Variants in ERBB4 observed in about 807,000 individuals in gnomAD.
The protein encoded by ERBB4 is erb-b2 receptor tyrosine kinase 4.
Under a neutral mutation model 158.0 loss-of-function variants are expected in ERBB4, and 42 were observed. The ratio of observed to expected loss-of-function variants is 0.27; its 90% CI spans 0.21 to 0.34. The LOEUF (loss-of-function observed/expected upper bound fraction) is 0.34, where lower values mean the gene tolerates loss of function less well. Among genes scored for constraint, ERBB4 ranks in the 10% least tolerant of loss-of-function variants. ERBB4 has a pLI of 1.00. For synonymous variants in ERBB4, 583 were observed against 558.7 expected, an observed-to-expected ratio of 1.04 and a Z score of -0.61; for missense variants, 1,333 against 1,624.1, an observed-to-expected ratio of 0.82 and a Z score of 3.08.
chr2:211,928,339 G>A (rs115458784), intron 3 of ERBB4, among the ~76,000 whole-genome samples: 109 of 151,788 alleles, frequency 7.2e-4, no homozygotes, highest in African/African-American at 2.3e-3. Context: ...ACCCACCCCC[G>A]TAACCCACTC....
chr2:212,125,496 A>T (rs951899072), intron 1 of ERBB4, among the ~76,000 whole-genome samples: 1 of 152,132 alleles, frequency 6.6e-6, no homozygotes, highest in Admixed American at 6.5e-5. Flanking sequence ...GGGGTTATTC[A>T]TACAGATTAT....
chr2:211,398,921 A>T (rs914772801), intron 25 of ERBB4, among the ~76,000 whole-genome samples: 1 of 152,138 alleles, frequency 6.6e-6, no homozygotes, highest in African/African-American at 2.4e-5. Context: ...TTTGGTAACT[A>T]TGATCCTTGC....
intron 1 of ERBB4, among the ~76,000 whole-genome samples, chr2:212,260,081 A>AAAAGAAAAGAAAAG (rs3040294): frequency 2.0e-5 from 3 of 148,810 alleles, no homozygotes; most frequent in South Asian, 2.1e-4. Context: ...AAAAAAAAAA[A>AAAAGAAAAGAAAAG]AAAAGAAAAG....
chr2:211,926,853 A>G (rs1029733667), intron 3 of ERBB4, among the ~76,000 whole-genome samples: 2 of 151,986 alleles, frequency 1.3e-5, no homozygotes, highest in South Asian at 2.1e-4. Flanking sequence ...ATATTTCCTA[A>G]CTTACTTCCT....
intron 13 of ERBB4, among the ~76,000 whole-genome samples, chr2:211,676,659 T>C (rs954769960): frequency 6.6e-6 from 1 of 152,186 alleles, no homozygotes; most frequent in Non-Finnish European, 1.5e-5. Context: ...GTTCAGCCCA[T>C]ACTTAATTAA....
intron 1 of ERBB4, among the ~76,000 whole-genome samples, chr2:212,430,349 A>C (rs960813676): frequency 2.6e-5 from 4 of 152,204 alleles, no homozygotes; most frequent in Non-Finnish European, 4.4e-5. Flanking sequence ...AAACCTGTTA[A>C]TAAAGAGAAA....
chr2:211,610,327 C>A (rs2069146806), intron 19 of ERBB4, among the ~76,000 whole-genome samples: 1 of 152,084 alleles, frequency 6.6e-6, no homozygotes, highest in Non-Finnish European at 1.5e-5. Flanking sequence ...CCATATAATG[C>A]AAACCAGGAC....
intron 1 of ERBB4, among the ~76,000 whole-genome samples, chr2:212,341,108 G>C (rs2088688739): frequency 6.6e-6 from 1 of 151,790 alleles, no homozygotes; most frequent in South Asian, 2.1e-4. Context: ...AAAGGACAAA[G>C]AGCTGAAAAT....
intron 3 of ERBB4, among the ~76,000 whole-genome samples, chr2:211,815,586 T>A (rs2076866524): frequency 6.6e-6 from 1 of 152,236 alleles, no homozygotes; most frequent in South Asian, 2.1e-4. Flanking sequence ...ATTTAATTCA[T>A]TGTAAACAGC....
intron 4 of ERBB4, 32 bp from the exon 5 acceptor site, chr2:211,750,736 C>T: frequency 6.3e-7 from 1 of 1,584,956 alleles, no homozygotes; most frequent in Non-Finnish European, 8.7e-7. Flanking sequence ...AAAGGACATG[C>T]ACGTTATAAT....
At position 211,601,224 on chromosome 2, in the gene ERBB4, A is replaced by G. The variant is rs183558755; in HGVS notation, c.2301+17953T>C. On this transcript the variant is annotated intron_variant, in intron 19 of 27. Coordinates refer to ENST00000342788, the MANE Select transcript of ERBB4 (RefSeq NM_005235.3). The stretch of plus-strand genomic sequence containing the variant: ...TATCATATACAATAACTGCGAAGGA[A>G]AAGTCAAGAAAATTCTCAGAAAAAG... 6.1e-4 allele frequency among the ~76,000 whole-genome samples: 92 copies of G among 151,922 alleles called. 1 individual carries two copies. Among genetic ancestry groups the G allele is most frequent in the African/African-American group, 1.8e-3 (75 of 41,258 alleles).
At chr2:212,470,819 T>C (rs767562403) in intron 1 of ERBB4, among the ~76,000 whole-genome samples, 15 of 152,104 alleles carry the variant, frequency 9.9e-5, no homozygotes, top group Admixed American at 2.0e-4. Context: ...TTCTTTTTTA[T>C]TGTGGTCTTT....
At chr2:212,287,051 C>T (rs72945676) in intron 1 of ERBB4, among the ~76,000 whole-genome samples, 5,500 of 151,836 alleles carry the variant, frequency 0.036, 141 homozygotes, top group Middle Eastern at 0.1. Context: ...GCTGACACAA[C>T]GACCTTGCTC....
chr2:212,159,183 AC>A (rs1327316731), intron 1 of ERBB4, among the ~76,000 whole-genome samples: 1 of 151,906 alleles, frequency 6.6e-6, no homozygotes, highest in Non-Finnish European at 1.5e-5. Flanking sequence ...TTGCTGAGCC[AC>A]TTGCAGATCC....
chr2:212,496,245 G>A (rs1690561067), intron 1 of ERBB4, among the ~76,000 whole-genome samples: 1 of 149,974 alleles, frequency 6.7e-6, no homozygotes, highest in Admixed American at 6.7e-5. Flanking sequence ...TCTAAATATG[G>A]AACAGACAAA....
chr2:211,680,310 ATT>A (rs1375905579), intron 12 of ERBB4, among the ~76,000 whole-genome samples: 1 of 151,958 alleles, frequency 6.6e-6, no homozygotes, highest in Middle Eastern at 3.2e-3. Flanking sequence ...GTGACGGGAG[ATT>A]TGATATTGAT....
At chr2:211,442,821 A>G (rs2064017998) in intron 20 of ERBB4, among the ~76,000 whole-genome samples, 2 of 152,094 alleles carry the variant, frequency 1.3e-5, no homozygotes, top group African/African-American at 4.8e-5. Context: ...CACTAAAATG[A>G]GTAATGGAAG....
At chr2:212,355,283 C>G (rs1269712350) in intron 1 of ERBB4, among the ~76,000 whole-genome samples, 1 of 151,770 alleles carries the variant, frequency 6.6e-6, no homozygotes, top group Non-Finnish European at 1.5e-5. Flanking sequence ...TTATCTAGAC[C>G]CTAGGGTTTT....
At chr2:212,204,023 C>G (rs1005468714) in intron 1 of ERBB4, among the ~76,000 whole-genome samples, 1 of 152,090 alleles carries the variant, frequency 6.6e-6, no homozygotes, top group Non-Finnish European at 1.5e-5. Context: ...CATGAATGTT[C>G]TAAAATTATA....
Sources: gnomAD v4.1 joint callset for allele counts (sites outside exome capture counted in the v4.1 genomes callset) on GRCh38, gnomAD v4.1.1 for gene constraint, MANE v1.5 for transcripts, NCBI Gene and HGNC (gene_info 2026-07-23, HGNC 2026-07-21) for gene names.